The following CSGALNACT1 variants were observed in gnomAD, a reference collection of about 807,000 sequenced individuals.
CSGALNACT1 encodes the protein beta4GalNAcT-1.
CSGALNACT1 carries 52 observed loss-of-function variants against 51.0 expected under a neutral mutation model. The observed-to-expected ratio is 1.02, with a 90% CI of 0.82 to 1.29. The LOEUF (loss-of-function observed/expected upper bound fraction) is 1.29, where lower values mean the gene tolerates loss of function less well. CSGALNACT1 is among the 50% of genes most tolerant of loss of function. The pLI is 0.00. For synonymous variants in CSGALNACT1, 341 were observed against 254.4 expected (o/e 1.34, Z -3.24); for missense variants, 935 against 679.2 (o/e 1.38, Z -4.19).
chr8:19,596,939 A>C lies in CSGALNACT1; in HGVS notation c.-416+4832T>G, dbSNP rs147043320. On this transcript the variant is annotated intron_variant, in intron 2 of 9. Transcript: ENST00000454498. ...AATTCATTCACTGTTATGCAACCAA[A>C]CTCCACATCTTTTTCATCTTGCATA... Among the ~76,000 whole-genome samples the C allele has an allele frequency of 8.0e-3, 1,213 of 152,144 alleles. 18 individuals are homozygous for C. The highest frequency in any genetic ancestry group is 0.028 in the African/African-American group (1,144 of 41,518).
At chr8:19,566,115 G>A (rs1373191179) in intron 3 of CSGALNACT1, among the ~76,000 whole-genome samples, 2 of 152,178 alleles carry the variant, frequency 1.3e-5, no homozygotes, top group East Asian at 1.9e-4. Flanking sequence ...ATATTACCTT[G>A]CATGGCAAAA....
chr8:19,468,233 G>C (rs1655733506), intron 4 of CSGALNACT1, among the ~76,000 whole-genome samples: 2 of 152,172 alleles, frequency 1.3e-5, no homozygotes, highest in Non-Finnish European at 2.9e-5. Context: ...CAACATCAGA[G>C]CGAGCATTTT....
At chr8:19,588,477 C>A (rs1035442166) in intron 3 of CSGALNACT1, among the ~76,000 whole-genome samples, 2 of 152,184 alleles carry the variant, frequency 1.3e-5, no homozygotes, top group African/African-American at 2.4e-5. Flanking sequence ...ATATCCTATA[C>A]AAATACTGAT....
chr8:19,554,401 T>C (rs934701427), intron 3 of CSGALNACT1, among the ~76,000 whole-genome samples: 3 of 152,064 alleles, frequency 2.0e-5, no homozygotes, highest in Non-Finnish European at 2.9e-5. Flanking sequence ...CTACAGGAAA[T>C]AATGCAGGGC....
intron 6 of CSGALNACT1, among the ~76,000 whole-genome samples, chr8:19,420,971 A>G (rs141699341): frequency 6.6e-5 from 10 of 152,300 alleles, no homozygotes; most frequent in East Asian, 5.8e-4. Flanking sequence ...GCCAGGCAAA[A>G]TGTTCTTGAT....
At chr8:19,710,221 G>A (rs1035906911) in intron 1 of CSGALNACT1, among the ~76,000 whole-genome samples, 4 of 152,098 alleles carry the variant, frequency 2.6e-5, no homozygotes, top group Admixed American at 6.6e-5. Flanking sequence ...TCCATAAAAC[G>A]CATAATTAAA....
chr8:19,546,476 C>A (rs2975476), intron 3 of CSGALNACT1, among the ~76,000 whole-genome samples: 1 of 152,140 alleles, frequency 6.6e-6, no homozygotes, highest in Admixed American at 6.5e-5. Flanking sequence ...CCTCACTACT[C>A]TTCAATGAAA....
intron 5 of CSGALNACT1, among the ~76,000 whole-genome samples, chr8:19,448,351 A>G (rs187485003): frequency 2.6e-5 from 4 of 152,294 alleles, no homozygotes; most frequent in Admixed American, 2.0e-4. Flanking sequence ...TGGTCTTTGT[A>G]GTAGAACCAA....
At chr8:19,537,849 T>C (rs1252470392) in intron 3 of CSGALNACT1, among the ~76,000 whole-genome samples, 1 of 152,204 alleles carries the variant, frequency 6.6e-6, no homozygotes, top group African/African-American at 2.4e-5. Context: ...AAAGTACTAT[T>C]TGACTTGACA....
chr8:19,543,655 G>A (rs1293433826), intron 3 of CSGALNACT1, among the ~76,000 whole-genome samples: 1 of 152,188 alleles, frequency 6.6e-6, no homozygotes, highest in Non-Finnish European at 1.5e-5. Flanking sequence ...AGCTGGGGAA[G>A]GTGCACTCTT....
rs187752274 is a variant in CSGALNACT1, at chr8:19,467,760, G to T, written c.635-9118C>A. Among the ~76,000 whole-genome samples, 316 of 152,274 alleles carry T rather than the reference G, an allele frequency of 2.1e-3. 1 individual carries two copies. The highest frequency in any genetic ancestry group is 4.2e-3 in the Admixed American group (65 of 15,306). ...AGAATTTTGGGAGGCCAAGGCAGGTGGATCACTTGAGCCTAGGAGTTCCAG... is the reference window on the plus strand; with the variant it reads ...AGAATTTTGGGAGGCCAAGGCAGGTTGATCACTTGAGCCTAGGAGTTCCAG... On this transcript the variant is annotated intron_variant, in intron 4 of 9. Transcript: ENST00000454498.
chr8:19,550,108 T>C (rs1320704558), intron 3 of CSGALNACT1, among the ~76,000 whole-genome samples: 1 of 152,170 alleles, frequency 6.6e-6, no homozygotes, highest in Non-Finnish European at 1.5e-5. Flanking sequence ...TGTGTAGTTG[T>C]CTCTTCTGCA....
intron 3 of CSGALNACT1, among the ~76,000 whole-genome samples, chr8:19,564,694 T>G (rs1196542852): frequency 6.6e-6 from 1 of 152,236 alleles, no homozygotes; most frequent in East Asian, 1.9e-4. Context: ...TCAAGAGGCC[T>G]TCTTGGATCA....
intron 1 of CSGALNACT1, among the ~76,000 whole-genome samples, chr8:19,652,972 C>G (rs192996386): frequency 4.6e-4 from 70 of 152,304 alleles, no homozygotes; most frequent in Admixed American, 2.8e-3. Context: ...AACCAAGTAT[C>G]TGCTTTGCCC....
At chr8:19,599,583 G>A (rs2049953311) in intron 2 of CSGALNACT1, among the ~76,000 whole-genome samples, 1 of 150,734 alleles carries the variant, frequency 6.6e-6, no homozygotes, top group Non-Finnish European at 1.5e-5. Flanking sequence ...GAGAGAGAAA[G>A]GAAAGGAGGA....
intron 1 of CSGALNACT1, among the ~76,000 whole-genome samples, chr8:19,733,161 G>T (rs1006217360): frequency 6.6e-6 from 1 of 152,106 alleles, no homozygotes; most frequent in Non-Finnish European, 1.5e-5. Flanking sequence ...ACAAAATATT[G>T]TTTTCTGTTT....
At chr8:19,492,950 T>C (rs540170340) in intron 4 of CSGALNACT1, among the ~76,000 whole-genome samples, 2 of 152,246 alleles carry the variant, frequency 1.3e-5, no homozygotes, top group Non-Finnish European at 2.9e-5. Flanking sequence ...CTGTCCAGTG[T>C]ATGGCATATT....
chr8:19,467,988 A>G (rs1193583124), intron 4 of CSGALNACT1, among the ~76,000 whole-genome samples: 1 of 152,220 alleles, frequency 6.6e-6, no homozygotes, highest in African/African-American at 2.4e-5. Flanking sequence ...CCTGTCTCAT[A>G]AAATAAAAAT....
At chr8:19,724,407 A>C (rs186923012) in intron 1 of CSGALNACT1, among the ~76,000 whole-genome samples, 6 of 152,308 alleles carry the variant, frequency 3.9e-5, no homozygotes, top group African/African-American at 1.2e-4. Context: ...ATCCATCTCC[A>C]AAGCCAGCAA....
Sources: gnomAD v4.1 joint callset for allele counts (sites outside exome capture counted in the v4.1 genomes callset) on GRCh38, gnomAD v4.1.1 for gene constraint, MANE v1.5 for transcripts, NCBI Gene and HGNC (gene_info 2026-07-23, HGNC 2026-07-21) for gene names.